The following GRID2 variants were observed in gnomAD, a reference collection of about 807,000 sequenced individuals.
GRID2 encodes the protein glutamate receptor ionotropic, delta-2.
A neutral mutation model predicts 114.8 loss-of-function variants in GRID2; 33 were observed. The ratio of observed to expected loss-of-function variants is 0.29; its 90% CI spans 0.22 to 0.38. GRID2 has a LOEUF of 0.38. Among genes scored for constraint, GRID2 ranks in the 10% least tolerant of loss-of-function variants. GRID2 has a pLI of 1.00. For synonymous variants in GRID2, 505 were observed against 449.9 expected (o/e 1.12, Z -1.55); for missense variants, 1,184 against 1,257.7 (o/e 0.94, Z 0.89).
chr4:92,468,753 T>C (rs1348016726), intron 1 of GRID2, among the ~76,000 whole-genome samples: 1 of 152,110 alleles, frequency 6.6e-6, no homozygotes, highest in East Asian at 1.9e-4. Flanking sequence ...TGTGAAAAGT[T>C]AGCAGGTATT....
chr4:93,250,658 TA>T (rs1748785204), intron 8 of GRID2, among the ~76,000 whole-genome samples: 2 of 143,766 alleles, frequency 1.4e-5, no homozygotes, highest in Non-Finnish European at 1.5e-5. Flanking sequence ...ATATATATTT[TA>T]TATATTTATA....
chr4:92,432,805 A>G (rs1732528502), intron 1 of GRID2, among the ~76,000 whole-genome samples: 1 of 151,994 alleles, frequency 6.6e-6, no homozygotes, highest in South Asian at 2.1e-4. Flanking sequence ...TCTTTCCTCA[A>G]ACAGAAGGAG....
intron 14 of GRID2, among the ~76,000 whole-genome samples, chr4:93,668,364 AGTT>A (rs1724122100): frequency 7.4e-6 from 1 of 135,882 alleles, no homozygotes; most frequent in African/African-American, 2.6e-5. Context: ...TGATTTTCAT[AGTT>A]GTTCTCTTTT....
chr4:93,789,930 T>C (rs891933809), intron 1 of GRID2, among the ~76,000 whole-genome samples: 2 of 152,162 alleles, frequency 1.3e-5, no homozygotes, highest in Non-Finnish European at 2.9e-5. Flanking sequence ...CTCCGCCTTT[T>C]GTCAGATCAG....
intron 1 of GRID2, among the ~76,000 whole-genome samples, chr4:93,792,202 A>G (rs1451163192): frequency 6.6e-6 from 1 of 152,214 alleles, no homozygotes; most frequent in East Asian, 1.9e-4. Flanking sequence ...TCATCAGAAA[A>G]CAAAGACTTT....
chr4:93,445,025 C>A (rs145732306), intron 10 of GRID2, among the ~76,000 whole-genome samples: 1 of 152,128 alleles, frequency 6.6e-6, no homozygotes, highest in African/African-American at 2.4e-5. Flanking sequence ...CAGTTTCTCT[C>A]CTTAGCTAGT....
chr4:93,335,833 G>C (rs928201437), intron 8 of GRID2, among the ~76,000 whole-genome samples: 5 of 151,820 alleles, frequency 3.3e-5, no homozygotes, highest in African/African-American at 1.2e-4. Context: ...TGAATAGCTG[G>C]GACTACAGGC....
intron 1 of GRID2, among the ~76,000 whole-genome samples, chr4:92,450,714 T>A (rs1466482753): frequency 6.6e-6 from 1 of 151,754 alleles, no homozygotes; most frequent in Non-Finnish European, 1.5e-5. Flanking sequence ...CTTTTCTGAA[T>A]AACCTCCTTT....
At chr4:92,514,175 A>G (rs962633198) in intron 1 of GRID2, among the ~76,000 whole-genome samples, 17 of 151,902 alleles carry the variant, frequency 1.1e-4, no homozygotes, top group Non-Finnish European at 2.4e-4. Flanking sequence ...TTAATTTCAC[A>G]TAGACAGCAT....
chr4:92,518,655 T>C (rs566740479), intron 1 of GRID2, among the ~76,000 whole-genome samples: 5 of 151,864 alleles, frequency 3.3e-5, no homozygotes, highest in African/African-American at 9.7e-5. Flanking sequence ...CTTGAAACTA[T>C]TGAACTGTAC....
chr4:92,343,558 T>A (rs945811744), intron 1 of GRID2, among the ~76,000 whole-genome samples: 4 of 152,094 alleles, frequency 2.6e-5, no homozygotes, highest in Admixed American at 6.6e-5. Flanking sequence ...TATGTGTTTT[T>A]AAATATATGT....
At chr4:93,013,973 T>C (rs2149236063) in intron 2 of GRID2, among the ~76,000 whole-genome samples, 1 of 152,128 alleles carries the variant, frequency 6.6e-6, no homozygotes, top group East Asian at 1.9e-4. Context: ...AGATCAAATT[T>C]CATGGTAAAG....
At chr4:92,992,011 C>G (rs560624475) in intron 2 of GRID2, among the ~76,000 whole-genome samples, 4 of 152,120 alleles carry the variant, frequency 2.6e-5, no homozygotes, top group African/African-American at 9.7e-5. Flanking sequence ...TGCACTGTCT[C>G]GTAGCCCTGC....
At chr4:92,710,708 A>G (rs1735203359) in intron 2 of GRID2, among the ~76,000 whole-genome samples, 1 of 152,130 alleles carries the variant, frequency 6.6e-6, no homozygotes, top group African/African-American at 2.4e-5. Context: ...TCACATTCCA[A>G]GGTTACCTCT....
At chr4:92,945,158 T>C (rs1176617096) in intron 2 of GRID2, among the ~76,000 whole-genome samples, 1 of 152,210 alleles carries the variant, frequency 6.6e-6, no homozygotes, top group Non-Finnish European at 1.5e-5. Flanking sequence ...CTATACATCC[T>C]ATTTCTTATG....
At chr4:92,716,740 T>C (rs1230885130) in intron 2 of GRID2, among the ~76,000 whole-genome samples, 1 of 152,158 alleles carries the variant, frequency 6.6e-6, no homozygotes, top group Non-Finnish European at 1.5e-5. Flanking sequence ...ATTATACGCT[T>C]TGAGTCAGTT....
In GRID2 at chr4:93,300,987, T is replaced by G. The variant is rs555721189; in HGVS notation, c.1245+62497T>G. 4.6e-5 allele frequency among the ~76,000 whole-genome samples: 7 copies of G among 152,370 alleles called. No individual in the cohort carries two copies. The East Asian group carries it at 1.3e-3, about 29-fold the overall frequency. ...CAGTTTCTAAGTTATGAGTTGATTT[T>G]TAACTACTGGGTTTAGGCCAGGCAG... On this transcript the variant is annotated intron_variant, in intron 8 of 15. Transcript: ENST00000282020.
intron 2 of GRID2, among the ~76,000 whole-genome samples, chr4:92,657,548 T>C (rs960656992): frequency 6.6e-5 from 10 of 151,756 alleles, no homozygotes; most frequent in African/African-American, 2.4e-4. Context: ...TGGATATTTA[T>C]TTATTTTTAT....
chr4:93,151,859 A>G (rs886495350), intron 4 of GRID2, among the ~76,000 whole-genome samples: 7 of 152,158 alleles, frequency 4.6e-5, no homozygotes, highest in African/African-American at 1.7e-4. Context: ...GTCTCGATGC[A>G]CAGTAAAATA....
Sources: gnomAD v4.1 joint callset for allele counts (sites outside exome capture counted in the v4.1 genomes callset) on GRCh38, gnomAD v4.1.1 for gene constraint, MANE v1.5 for transcripts, NCBI Gene and HGNC (gene_info 2026-07-23, HGNC 2026-07-21) for gene names.